Variants in PTPRQ observed in about 807,000 individuals in gnomAD.
PTPRQ encodes phosphatidylinositol phosphatase PTPRQ.
In PTPRQ, 199 loss-of-function variants were observed where a neutral mutation model predicts 246.0. That is an observed-to-expected ratio of 0.81 (90% CI 0.72 to 0.91). The LOEUF is 0.91. PTPRQ is among the 40% of genes least tolerant of loss of function. The pLI is 0.00. For synonymous variants in PTPRQ, 869 were observed against 853.2 expected (o/e 1.02, Z -0.32); for missense variants, 2,624 against 2,528.4 (o/e 1.04, Z -0.81).
intron 37 of PTPRQ, among the ~76,000 whole-genome samples, chr12:80,650,083 C>A (rs1351986346): frequency 6.6e-6 from 1 of 151,828 alleles, no homozygotes; most frequent in African/African-American, 2.4e-5. Context: ...TTTACGTTTA[C>A]CTACTTGGTT....
At chr12:80,523,867 G>T (rs7300326) in intron 17 of PTPRQ, among the ~76,000 whole-genome samples, 136,404 of 152,118 alleles carry the variant, frequency 0.9, 61,741 homozygotes, top group Non-Finnish European at 0.93. Context: ...GAGTTCTGTA[G>T]ATGTCTATTA....
At chr12:80,578,459 G>C (rs922167450) in intron 25 of PTPRQ, among the ~76,000 whole-genome samples, 1 of 151,780 alleles carries the variant, frequency 6.6e-6, no homozygotes, top group African/African-American at 2.4e-5. Context: ...GGCGCGATCT[G>C]GGCTCACTGC....
chr12:80,495,159 T>C (rs1894572944), intron 11 of PTPRQ, 33 bp from the exon 12 acceptor site: 1 of 1,547,718 alleles, frequency 6.5e-7, no homozygotes, highest in Non-Finnish European at 8.7e-7. Context: ...GTGATACTTT[T>C]TTTTCATTCA....
intron 25 of PTPRQ, among the ~76,000 whole-genome samples, chr12:80,584,993 A>C (rs563498021): frequency 6.6e-6 from 1 of 151,804 alleles, no homozygotes; most frequent in South Asian, 2.1e-4. Flanking sequence ...ATATATATAT[A>C]TATATAGTAA....
intron 25 of PTPRQ, among the ~76,000 whole-genome samples, chr12:80,568,049 T>C (rs1161399574): frequency 6.6e-6 from 1 of 152,190 alleles, no homozygotes; most frequent in Non-Finnish European, 1.5e-5. Flanking sequence ...AGTCTTTGCT[T>C]TACATAGTAG....
chr12:80,522,853 G>T (rs925256518), intron 17 of PTPRQ, among the ~76,000 whole-genome samples: 5 of 152,074 alleles, frequency 3.3e-5, no homozygotes, highest in African/African-American at 1.2e-4. Context: ...GCCAGGCTTT[G>T]GTATCAGGAT....
intron 25 of PTPRQ, among the ~76,000 whole-genome samples, chr12:80,587,204 A>G (rs142191137): frequency 6.6e-6 from 1 of 152,308 alleles, no homozygotes; most frequent in Admixed American, 6.5e-5. Context: ...ATATATCTTT[A>G]GAGATCAATG....
At position 80,444,345 on chromosome 12, in the gene PTPRQ, G is replaced by A. The variant is rs538419954; in HGVS notation, c.-1G>A. On this transcript the variant is annotated 5_prime_UTR_variant, in exon 1 of 45. Transcript: ENST00000644991. Reference sequence around the variant, plus strand: ...TCTACTGGCTGAAAAATGTAATAAAGATGGATTTTCTTATCATTTTTCTTT... The same window carrying A: ...TCTACTGGCTGAAAAATGTAATAAAAATGGATTTTCTTATCATTTTTCTTT... 8.7e-4 allele frequency: 1,239 copies of A among 1,427,100 alleles called. 2 individuals are homozygous for A. The highest frequency in any genetic ancestry group is 9.5e-4 in the Non-Finnish European group (982 of 1,037,170). The allele number at this position is 1,427,100 out of a possible 1,614,324, so 88.4% of individuals were successfully genotyped here.
intron 33 of PTPRQ, among the ~76,000 whole-genome samples, chr12:80,628,712 A>G (rs1477814144): frequency 6.6e-6 from 1 of 152,154 alleles, no homozygotes; most frequent in Admixed American, 6.5e-5. Context: ...AAACCCCTGT[A>G]CTCAAGGGGG....
chr12:80,450,827 G>T (rs984435428), intron 3 of PTPRQ, among the ~76,000 whole-genome samples: 1 of 152,168 alleles, frequency 6.6e-6, no homozygotes, highest in African/African-American at 2.4e-5. Flanking sequence ...AAGGATATTG[G>T]TCTAAAATTC....
chr12:80,505,557 A>T (rs10778755), intron 14 of PTPRQ, among the ~76,000 whole-genome samples: 94 of 151,746 alleles, frequency 6.2e-4, no homozygotes, highest in Middle Eastern at 3.4e-3. Context: ...TTCTTGGGAG[A>T]TGGTTTTGCT....
intron 8 of PTPRQ, among the ~76,000 whole-genome samples, chr12:80,473,532 A>G (rs1342741922): frequency 6.6e-6 from 1 of 152,220 alleles, no homozygotes; most frequent in African/African-American, 2.4e-5. Context: ...ATACAATTAA[A>G]TACATCCTGA....
At chr12:80,488,700 G>A (rs1166083860) in intron 9 of PTPRQ, among the ~76,000 whole-genome samples, 1 of 151,922 alleles carries the variant, frequency 6.6e-6, no homozygotes, top group Admixed American at 6.6e-5. Context: ...GATATAACAT[G>A]ATGATTAAAC....
chr12:80,483,510 A>G (rs1894153406), intron 8 of PTPRQ, among the ~76,000 whole-genome samples: 1 of 152,002 alleles, frequency 6.6e-6, no homozygotes, highest in Admixed American at 6.6e-5. Flanking sequence ...CATGTACCCT[A>G]AAACTTAAAG....
chr12:80,632,370 C>A, intron 34 of PTPRQ, 79 bp downstream of exon 34: 6 of 1,508,560 alleles, frequency 4.0e-6, no homozygotes, highest in Non-Finnish European at 5.3e-6. Flanking sequence ...AGACAGAAGC[C>A]ACAACAGTTA....
chr12:80,520,811 C>T (rs1404099513), intron 17 of PTPRQ, among the ~76,000 whole-genome samples: 1 of 152,050 alleles, frequency 6.6e-6, no homozygotes, highest in Non-Finnish European at 1.5e-5. Flanking sequence ...AATAGTGCCA[C>T]AATAAACATA....
Position 80,669,137 on chromosome 12 carries a change from G to A in PTPRQ, c.6323G>A (p.Gly2108Glu), listed in dbSNP as rs1335786440. The A allele has an allele frequency of 3.2e-6, 5 of 1,544,782 alleles. No homozygotes were observed. The East Asian group carries it at 1.2e-4, about 38-fold the overall frequency. ...LVMLTQCFEK[G>E]RIRCHQYWPE... ...ATGCTAACACAGTGTTTTGAAAAAG[G>A]ACGGGTAAGTTATTTGAAAATGTTT... is the stretch of plus-strand genomic sequence containing the variant. Residue 2108 changes from glycine to glutamate, a missense_variant, in exon 40 of 45, where the codon GGA becomes GAA. Physicochemically the swap from Gly to Glu is moderately conservative, Grantham distance 98. Transcript: ENST00000644991.
In PTPRQ at chr12:80,658,071, T is replaced by C. The variant is rs963623698; in HGVS notation, c.6192+10T>C. 3 of 1,269,402 alleles carry C rather than the reference T, an allele frequency of 2.4e-6. No individual in the cohort carries two copies. The highest frequency in any genetic ancestry group is 1.6e-5 in the African/African-American group (1 of 64,254). 78.6% of individuals were successfully genotyped at this position (1,269,402 alleles called of 1,614,324 possible). A position where few individuals can be genotyped will look rare whatever the true frequency, so the allele number is the denominator to read the frequency against. ...TGCCAGCTATATTTCTGTAAGTTAC[T>C]ATTTTATATATTTTATAATTGTATA... On this transcript the variant is annotated intron_variant, in intron 39 of 44. Transcript: ENST00000644991.
chr12:80,469,678 C>T lies in PTPRQ; in HGVS notation c.1039+840C>T, dbSNP rs373644284. 2.6e-4 allele frequency among the ~76,000 whole-genome samples: 40 copies of T among 152,246 alleles called. No individual in the cohort carries two copies. The East Asian group carries it at 4.0e-3, about 15-fold the overall frequency. ...CATGAGTAACCTTTATCTTTCATCC[C>T]TAAGTAACTTATGCTCCTAAAATTC... On this transcript the variant is annotated intron_variant, in intron 7 of 44. Coordinates refer to ENST00000644991, the MANE Select transcript of PTPRQ (RefSeq NM_001145026.2).
Sources: allele counts gnomAD v4.1 joint callset (sites outside exome capture counted in the v4.1 genomes callset), GRCh38; gene constraint gnomAD v4.1.1; transcripts MANE v1.5; gene names NCBI Gene and HGNC (gene_info 2026-07-23, HGNC 2026-07-21).